The following AEBP2 variants were observed in gnomAD, a reference collection of about 807,000 sequenced individuals.
AEBP2 encodes zinc finger protein AEBP2.
AEBP2 carries 10 observed loss-of-function variants against 50.8 expected under a neutral mutation model. The observed-to-expected ratio is 0.20, with a 90% confidence interval of 0.12 to 0.33. AEBP2 has a LOEUF of 0.33. Ranked by LOEUF, AEBP2 falls within the 10% of genes least tolerant of loss-of-function variation. The probability of loss-of-function intolerance (pLI) is 1.00; values close to 1 mark genes in which losing one functional copy is unlikely to be tolerated. For synonymous variants in AEBP2, 296 were observed against 261.3 expected (o/e 1.13, Z -1.28); for missense variants, 570 against 688.0 (o/e 0.83, Z 1.92).
At chr12:19,420,251 A>G (rs1256080794) in intron 1 of AEBP2, among the ~76,000 whole-genome samples, 2 of 149,098 alleles carry the variant, frequency 1.3e-5, no homozygotes, top group East Asian at 2.0e-4. Context: ...CTGGTCTCGA[A>G]CTCCTGACCT....
chr12:19,492,623 A>G (rs911625086), intron 3 of AEBP2, among the ~76,000 whole-genome samples: 5 of 152,078 alleles, frequency 3.3e-5, no homozygotes, highest in Non-Finnish European at 5.9e-5. Context: ...TTTTTAAAAT[A>G]TTAAATGTAG....
At chr12:19,421,835 A>C (rs1395115798) in intron 1 of AEBP2, among the ~76,000 whole-genome samples, 3 of 152,082 alleles carry the variant, frequency 2.0e-5, no homozygotes, top group Admixed American at 1.3e-4. Flanking sequence ...CTGCAGTACA[A>C]ATATCTTCAG....
intron 3 of AEBP2, among the ~76,000 whole-genome samples, chr12:19,478,543 G>A (rs1474765956): frequency 6.6e-6 from 1 of 152,100 alleles, no homozygotes; most frequent in Non-Finnish European, 1.5e-5. Context: ...ACCTGCCTAG[G>A]CCTCCTAAAG....
At chr12:19,449,461 T>G (rs1244015729) in intron 1 of AEBP2, among the ~76,000 whole-genome samples, 1 of 152,210 alleles carries the variant, frequency 6.6e-6, no homozygotes, top group Non-Finnish European at 1.5e-5. Context: ...AGATTTGATA[T>G]GAGAAATTTA....
At chr12:19,404,092 G>T (rs2095734737) in exon 1 of AEBP2, 2 of 152,248 alleles carry the variant, frequency 1.3e-5, no homozygotes, top group Non-Finnish European at 2.9e-5. Context: ...CTCGACCCTC[G>T]GTTCTGGACA....
In AEBP2 at chr12:19,473,240, C is replaced by A; in HGVS notation, c.880-8C>A. The A allele has an allele frequency of 1.5e-6, 2 of 1,369,434 alleles. No homozygotes were observed. The highest frequency in any genetic ancestry group is 9.7e-7 in the Non-Finnish European group (1 of 1,028,332). 84.8% of individuals were successfully genotyped at this position (1,369,434 alleles called of 1,614,324 possible). On this transcript the variant is annotated splice_region_variant and splice_polypyrimidine_tract_variant and intron_variant, in intron 2 of 7. Transcript: ENST00000266508. The stretch of plus-strand genomic sequence containing the variant: ...TGAAAATTAATATGGTTCTGTTTTT[C>A]TTAACAGGTATTTGTTTGCTTATGG...
chr12:19,456,806 C>T lies in AEBP2; in HGVS notation c.672-5704C>T, dbSNP rs568633556. On this transcript the variant is annotated intron_variant, in intron 1 of 7. Coordinates refer to ENST00000266508, the MANE Select transcript of AEBP2 (RefSeq NM_153207.5). ...TGTTGACTGGAGCAAAGGTGACCAC[C>T]ATACCAGGTTTGAGAACACCAGTCT... is the stretch of plus-strand genomic sequence containing the variant. 100 of 1,564,032 alleles carry T rather than the reference C, an allele frequency of 6.4e-5. No homozygotes were observed. In the African/African-American group the frequency reaches 1.2e-3, roughly 19 times the overall value.
intron 1 of AEBP2, among the ~76,000 whole-genome samples, chr12:19,410,158 A>G (rs940098991): frequency 7.2e-5 from 11 of 152,018 alleles, no homozygotes; most frequent in African/African-American, 2.4e-4. Flanking sequence ...TCACTGCTCA[A>G]CCTCCTTTTT....
At chr12:19,440,553 G>A in intron 1 of AEBP2, 183 bp downstream of exon 1, 3 of 1,385,066 alleles carry the variant, frequency 2.2e-6, no homozygotes, top group South Asian at 1.7e-5. Context: ...GCGCATCGCG[G>A]CTTCCAACTC....
rs567934956 is a variant in AEBP2 at position 19,499,197 on chromosome 12, C to T, written c.1175-900C>T. Among the ~76,000 whole-genome samples the T allele has an allele frequency of 9.9e-5, 15 of 152,258 alleles. No individual in the cohort carries two copies. In the East Asian group the frequency reaches 1.3e-3, roughly 14 times the overall value. On this transcript the variant is annotated intron_variant, in intron 4 of 7. Transcript: ENST00000266508. ...TAAGTAGTTTGCCCACAGTCACACA[C>T]GTGATAACTGGTGGAGCTGATTGGC...
chr12:19,476,557 G>T (rs1160701754), intron 3 of AEBP2, among the ~76,000 whole-genome samples: 5 of 152,096 alleles, frequency 3.3e-5, no homozygotes, highest in South Asian at 2.1e-4. Context: ...GGTCAGGCTG[G>T]TCTCGAACTC....
At chr12:19,486,902 C>T (rs751103930) in intron 3 of AEBP2, among the ~76,000 whole-genome samples, 38 of 152,012 alleles carry the variant, frequency 2.5e-4, no homozygotes, top group Non-Finnish European at 2.9e-4. Flanking sequence ...CAACGATCTA[C>T]CCGCCTCGGC....
chr12:19,516,899 C>T (rs915220760), intron 7 of AEBP2, among the ~76,000 whole-genome samples: 5 of 152,054 alleles, frequency 3.3e-5, no homozygotes, highest in South Asian at 2.1e-4. Flanking sequence ...TAGTGTTGCA[C>T]GCCTGTAATC....
chr12:19,417,968 T>C (rs1346380639), intron 1 of AEBP2, among the ~76,000 whole-genome samples: 1 of 151,876 alleles, frequency 6.6e-6, no homozygotes, highest in East Asian at 1.9e-4. Context: ...TCCCAAAGTG[T>C]TGGGATTACA....
intron 1 of AEBP2, among the ~76,000 whole-genome samples, chr12:19,443,866 T>TCC (rs1948009692): frequency 1.3e-5 from 2 of 152,248 alleles, no homozygotes; most frequent in East Asian, 1.9e-4. Flanking sequence ...TTGATTTTTT[T>TCC]CCCCCCAGAA....
rs1371081558 is a variant in AEBP2 at position 19,518,327 on chromosome 12, T to C, written c.*210T>C. On this transcript the variant is annotated 3_prime_UTR_variant, in exon 8 of 8. Coordinates refer to ENST00000266508, the MANE Select transcript of AEBP2 (RefSeq NM_153207.5). ...TCGGTGGAATATATTAATATATTAC[T>C]GTATATCCACATTTTCATGGAATGG... is the stretch of plus-strand genomic sequence containing the variant. 4.0e-6 allele frequency: 5 copies of C among 1,261,374 alleles called. No homozygotes were observed. The African/African-American group carries it at 6.2e-5, about 16-fold the overall frequency. 78.1% of individuals were successfully genotyped at this position (1,261,374 alleles called of 1,614,324 possible).
At chr12:19,488,140 T>TG (rs1948839776) in intron 3 of AEBP2, among the ~76,000 whole-genome samples, 1 of 151,858 alleles carries the variant, frequency 6.6e-6, no homozygotes, top group Non-Finnish European at 1.5e-5. Flanking sequence ...TTTTTTTTTT[T>TG]TGAGGCGTAG....
At chr12:19,495,828 C>T (rs916149259) in intron 4 of AEBP2, among the ~76,000 whole-genome samples, 1 of 152,054 alleles carries the variant, frequency 6.6e-6, no homozygotes, top group African/African-American at 2.4e-5. Flanking sequence ...ACAGGCATGA[C>T]CCACCATACC....
At chr12:19,434,718 T>C (rs916259191), upstream of AEBP2, among the ~76,000 whole-genome samples, 1 of 152,142 alleles carries the variant, frequency 6.6e-6, no homozygotes, top group African/African-American at 2.4e-5. Context: ...GTTATTTAAA[T>C]TTTGAGAGTG....
Sources: gnomAD v4.1 joint callset for allele counts (sites outside exome capture counted in the v4.1 genomes callset) on GRCh38, gnomAD v4.1.1 for gene constraint, MANE v1.5 for transcripts, NCBI Gene and HGNC (gene_info 2026-07-23, HGNC 2026-07-21) for gene names.